SOCS7: variants seen among roughly 807,000 people sequenced by gnomAD.
SOCS7 encodes the protein suppressor of cytokine signaling 7.
Under a neutral mutation model 58.9 loss-of-function variants are expected in SOCS7, and 18 were observed. The ratio of observed to expected loss-of-function variants is 0.31; its 90% confidence interval spans 0.21 to 0.45. The LOEUF (loss-of-function observed/expected upper bound fraction) is 0.45, where lower values mean the gene tolerates loss of function less well. Among genes scored for constraint, SOCS7 ranks in the 20% least tolerant of loss-of-function variants. The pLI is 1.00. For synonymous variants in SOCS7, 388 were observed against 364.3 expected, an observed-to-expected ratio of 1.06 and a Z score of -0.74; for missense variants, 667 against 837.3, an observed-to-expected ratio of 0.80 and a Z score of 2.51.
chr17:38,387,634 G>A (rs12937201), intron 7 of SOCS7, among the ~76,000 whole-genome samples: 1 of 79,012 alleles, frequency 1.3e-5, no homozygotes, highest in Admixed American at 1.2e-4. Context: ...ACAATATATT[G>A]TATATTATAT....
intron 7 of SOCS7, among the ~76,000 whole-genome samples, chr17:38,378,147 T>A (rs2037955660): frequency 6.6e-6 from 1 of 152,122 alleles, no homozygotes; most frequent in Non-Finnish European, 1.5e-5. Context: ...TCTCAACATT[T>A]ATAAGTGAAG....
chr17:38,373,711 C>T (rs1281720076), intron 6 of SOCS7, among the ~76,000 whole-genome samples: 1 of 152,116 alleles, frequency 6.6e-6, no homozygotes, highest in Admixed American at 6.5e-5. Context: ...GGTCAATGCC[C>T]CTGGCCACCC....
chr17:38,394,159 C>G (rs1464458354), intron 7 of SOCS7, among the ~76,000 whole-genome samples: 1 of 152,130 alleles, frequency 6.6e-6, no homozygotes. Context: ...CATGCTGTGG[C>G]GTGGGGCCCT....
At position 38,352,867 on chromosome 17, in the gene SOCS7, G is replaced by A. The variant is rs766881893; in HGVS notation, c.815G>A (p.Gly272Asp). The A allele has an allele frequency of 3.1e-6, 5 of 1,591,900 alleles. No individual in the cohort carries two copies. The highest frequency in any genetic ancestry group is 1.3e-5 in the African/African-American group (1 of 74,656). The change falls in exon 1 of 10, where the codon GGC becomes GAC. Residue 272 changes from glycine (G) to aspartate (D), a missense_variant. By Grantham distance (94) the Gly-to-Asp change is moderately conservative. Coordinates refer to ENST00000612932, the MANE Select transcript of SOCS7 (RefSeq NM_014598.4). This position sits in a 1 kb window ranked among gnomAD's most constrained non-coding sequence, Gnocchi z 5.5. ...LRPLAGPSRK[G>D]SFKIRLSRLF... ...CCACTCGCGGGTCCTTCTCGGAAGGGCTCCTTCAAAATCCGCCTCAGTCGC... is the reference window on the plus strand; with the variant it reads ...CCACTCGCGGGTCCTTCTCGGAAGGACTCCTTCAAAATCCGCCTCAGTCGC...
At chr17:38,388,685 A>G (rs1468580354) in intron 7 of SOCS7, among the ~76,000 whole-genome samples, 1 of 152,138 alleles carries the variant, frequency 6.6e-6, no homozygotes, top group Non-Finnish European at 1.5e-5. Flanking sequence ...CCTACCAACC[A>G]CTAATCTGTT....
At position 38,403,084 on chromosome 17, in the gene SOCS7, G is replaced by T. The variant is rs988211506; in HGVS notation, c.*3602G>T. 6.6e-6 allele frequency: 1 copy of T among 152,154 alleles called. No individual in the cohort carries two copies. Among genetic ancestry groups the T allele is most frequent in the Non-Finnish European group, 1.5e-5 (1 of 68,044 alleles). The allele number at this position is 152,154 out of a possible 1,614,324, so 9.4% of individuals were successfully genotyped here. On this transcript the variant is annotated 3_prime_UTR_variant, in exon 10 of 10. Transcript: ENST00000612932. ...CTGACCTTTGCCTGGTCACCTGCCT[G>T]TGCCTAGGCCAAGTGAATGTTACAT...
chr17:38,392,121 A>G (rs1597712388), intron 7 of SOCS7, among the ~76,000 whole-genome samples: 2 of 152,350 alleles, frequency 1.3e-5, no homozygotes, highest in South Asian at 4.1e-4. Flanking sequence ...TTCTGTTAGC[A>G]TGCTCTAAAT....
chr17:38,384,138 T>TA (rs1332274860), intron 7 of SOCS7, among the ~76,000 whole-genome samples: 1 of 152,212 alleles, frequency 6.6e-6, no homozygotes, highest in African/African-American at 2.4e-5. Context: ...CCTGGCTTAT[T>TA]ACCTGCTTTA....
intron 6 of SOCS7, among the ~76,000 whole-genome samples, chr17:38,375,339 T>C (rs1305536025): frequency 6.6e-6 from 1 of 152,096 alleles, no homozygotes; most frequent in Non-Finnish European, 1.5e-5. Flanking sequence ...CTCTTCCTCT[T>C]CCTCTTCCTC....
At chr17:38,360,918 G>A (rs4334342) in intron 1 of SOCS7, among the ~76,000 whole-genome samples, 38,145 of 152,222 alleles carry the variant, frequency 0.25, 6,336 homozygotes, top group African/African-American at 0.48. Context: ...ACTTCTGGCC[G>A]TAATGTCTTT....
At chr17:38,354,922 A>T (rs2037613970) in intron 1 of SOCS7, among the ~76,000 whole-genome samples, 1 of 152,166 alleles carries the variant, frequency 6.6e-6, no homozygotes, top group Non-Finnish European at 1.5e-5. Context: ...TTGCCTTTGG[A>T]AGCAGAATTT....
chr17:38,377,910 C>G, intron 7 of SOCS7, 68 bp downstream of exon 7: 1 of 1,487,378 alleles, frequency 6.7e-7, no homozygotes, highest in Non-Finnish European at 9.2e-7. Context: ...TCAAAAAACA[C>G]CATCCCCACA....
At chr17:38,395,157 TC>T in intron 7 of SOCS7, 151 bp from the exon 8 acceptor site, 1 of 665,148 alleles carries the variant, frequency 1.5e-6, no homozygotes, top group Non-Finnish European at 2.4e-6. Context: ...GAAATGGAAA[TC>T]AACAGCACTT....
chr17:38,371,754 G>GTTTTTTTTTTTTTTTT (rs770296566), intron 6 of SOCS7, among the ~76,000 whole-genome samples: 1 of 72,196 alleles, frequency 1.4e-5, no homozygotes, highest in Non-Finnish European at 2.7e-5. Context: ...GCCCTTTTGT[G>GTTTTTTTTTTTTTTTT]TTTTTTTTTT....
chr17:38,366,338 A>T lies in SOCS7; in HGVS notation c.1304A>T (p.Gln435Leu), dbSNP rs1555568339. 1 of 1,614,136 alleles carries T rather than the reference A, an allele frequency of 6.2e-7. No homozygotes were observed. The highest frequency in any genetic ancestry group is 1.7e-5 in the Admixed American group (1 of 60,000). Reference protein sequence around the residue: ...PIRAAESLHSQPPQHLQCPLY... With the variant: ...PIRAAESLHSLPPQHLQCPLY... Reference sequence around the variant, plus strand: ...CGAGCAGCTGAATCCCTGCACAGCCAACCCCCACAGCACCTCCAGTGTCCC... The same window carrying T: ...CGAGCAGCTGAATCCCTGCACAGCCTACCCCCACAGCACCTCCAGTGTCCC... Residue 435 changes from glutamine to leucine, a missense_variant, in exon 5 of 10, where the codon CAA (glutamine) becomes CTA (leucine). Transcript: ENST00000612932.
intron 2 of SOCS7, among the ~76,000 whole-genome samples, chr17:38,362,402 A>G (rs2037732045): frequency 6.6e-6 from 1 of 152,206 alleles, no homozygotes; most frequent in Non-Finnish European, 1.5e-5. Flanking sequence ...GCTTTTTCAG[A>G]GAGGGAGACC....
chr17:38,370,099 G>A (rs2144344244), intron 6 of SOCS7, among the ~76,000 whole-genome samples: 1 of 151,354 alleles, frequency 6.6e-6, no homozygotes, highest in Non-Finnish European at 1.5e-5. Flanking sequence ...CCGGGTTCAA[G>A]CAATTCTTGT....
intron 1 of SOCS7, among the ~76,000 whole-genome samples, chr17:38,353,885 C>T (rs144176454): frequency 4.6e-5 from 7 of 152,330 alleles, no homozygotes; most frequent in African/African-American, 1.2e-4. Flanking sequence ...GTGATCGTGC[C>T]ACTGCACTCC....
chr17:38,367,774 T>TC, intron 5 of SOCS7, 108 bp from the exon 6 acceptor site: 2 of 973,278 alleles, frequency 2.1e-6, no homozygotes, highest in Non-Finnish European at 3.1e-6. Context: ...CCTATTGAAA[T>TC]ATTTTGGAGA....
Sources: gnomAD v4.1 joint callset for allele counts (sites outside exome capture counted in the v4.1 genomes callset) on GRCh38, gnomAD v4.1.1 for gene constraint, Gnocchi (gnomAD v3.1) non-coding constraint, MANE v1.5 for transcripts, NCBI Gene and HGNC (gene_info 2026-07-23, HGNC 2026-07-21) for gene names.